Variants in DYNC1H1 observed in about 807,000 individuals in gnomAD.
DYNC1H1 encodes dynein cytoplasmic 1 heavy chain 1.
Under a neutral mutation model 527.1 loss-of-function variants are expected in DYNC1H1, and 51 were observed. The ratio of observed to expected loss-of-function variants is 0.10; its 90% CI spans 0.08 to 0.12. DYNC1H1 has a LOEUF of 0.12. DYNC1H1 is among the 10% of genes least tolerant of loss of function. DYNC1H1 has a pLI of 1.00. For synonymous variants in DYNC1H1, 2,189 were observed against 2,278.8 expected (o/e 0.96, Z 1.12); for missense variants, 2,771 against 5,971.8 (o/e 0.46, Z 17.66).
chr14:101,972,934 T>C (rs1358055969), intron 1 of DYNC1H1, among the ~76,000 whole-genome samples: 1 of 152,210 alleles, frequency 6.6e-6, no homozygotes, highest in Non-Finnish European at 1.5e-5. Context: ...GAGATAGTTC[T>C]TTATTCTCTA....
At chr14:101,988,543 GGAGAAAGT>G (rs1201067417) in intron 9 of DYNC1H1, among the ~76,000 whole-genome samples, 152 bp from the exon 10 acceptor site, 2 of 152,172 alleles carry the variant, frequency 1.3e-5, no homozygotes, top group African/African-American at 2.4e-5. Context: ...TCTGTGGCTG[GGAGAAAGT>G]GAGAAAGTGA....
intron 11 of DYNC1H1, among the ~76,000 whole-genome samples, chr14:101,992,491 C>T (rs909454752): frequency 6.6e-6 from 1 of 152,190 alleles, no homozygotes. Flanking sequence ...TTTCTATTTG[C>T]ATTGTTCTCT....
At chr14:101,973,790 C>G (rs1052304875) in intron 1 of DYNC1H1, among the ~76,000 whole-genome samples, 7 of 152,092 alleles carry the variant, frequency 4.6e-5, no homozygotes, top group African/African-American at 1.4e-4. Flanking sequence ...GGCGGCAGAG[C>G]AAGACATTGT....
intron 57 of DYNC1H1, chr14:102,037,230 C>A: frequency 6.3e-6 from 1 of 157,608 alleles, no homozygotes; most frequent in Non-Finnish European, 1.4e-5. Context: ...TCAAGACCAC[C>A]CTGGCCAACA....
intron 16 of DYNC1H1, among the ~76,000 whole-genome samples, chr14:101,998,653 C>G (rs2048092653): frequency 6.6e-6 from 1 of 152,094 alleles, no homozygotes; most frequent in African/African-American, 2.4e-5. Context: ...CCCATCCTGC[C>G]TGTAACCGTT....
At position 102,051,255 on chromosome 14, in the gene DYNC1H1, C is replaced by CAA. The variant is rs76566190; in HGVS notation, c.*704_*705dup. 5.6e-5 allele frequency: 8 copies of CAA among 142,164 alleles called. 1 individual carries two copies. The highest frequency in any genetic ancestry group is 4.1e-4 in the East Asian group (2 of 4,924). 8.8% of individuals were successfully genotyped at this position (142,164 alleles called of 1,614,324 possible). A position where few individuals can be genotyped will look rare whatever the true frequency, so the allele number is the denominator to read the frequency against. On this transcript the variant is annotated 3_prime_UTR_variant, in exon 78 of 78. Transcript: ENST00000360184. ...TGGGTGACAGAGCAAGACCCTGTCT[C>CAA]AAAAAAAAAAAAAGCTGGGCGTGGT...
At chr14:102,050,046 C>T (rs773283462) in intron 76 of DYNC1H1, 25 bp from the exon 77 acceptor site, 3 of 1,527,890 alleles carry the variant, frequency 2.0e-6, no homozygotes, top group Non-Finnish European at 2.6e-6. Flanking sequence ...TCACCTCAGC[C>T]TGGGTTTTGG....
chr14:101,972,029 T>C lies in DYNC1H1; in HGVS notation c.257-3683T>C, dbSNP rs193123034. On this transcript the variant is annotated intron_variant, in intron 1 of 77. Transcript: ENST00000360184. ...GTATTGGTCTGTTACATTTTAACAGTAACTTTGTATTAACTAGTAACTTTG... is the reference window on the plus strand; with the variant it reads ...GTATTGGTCTGTTACATTTTAACAGCAACTTTGTATTAACTAGTAACTTTG... Among the ~76,000 whole-genome samples, 4 of 152,310 alleles carry C rather than the reference T, an allele frequency of 2.6e-5. No individual in the cohort carries two copies. In the East Asian group the frequency reaches 7.7e-4, roughly 29 times the overall value.
chr14:102,048,617 AAAG>A lies in DYNC1H1; in HGVS notation c.13327_13329del (p.Lys4443del), dbSNP rs772787535. The A allele has an allele frequency of 6.8e-6, 11 of 1,614,106 alleles. No homozygotes were observed. The highest frequency in any genetic ancestry group is 8.5e-6 in the Non-Finnish European group (10 of 1,180,044). ...CAGATGTCGTCCAGGTGTGCGAAGG[AAAG>A]AAGAAGCAGACCAACTACTTGCGCA... On this transcript the variant is annotated inframe_deletion, in exon 74 of 78. Transcript: ENST00000360184.
rs57229386 is a variant in DYNC1H1 at position 102,013,248 on chromosome 14, CAAAAA to C, written c.7014+798_7014+802del. Among the ~76,000 whole-genome samples the C allele has an allele frequency of 1.2e-4, 5 of 41,314 alleles. No homozygotes were observed. The South Asian group carries it at 3.2e-3, about 27-fold the overall frequency. 27.1% of individuals were successfully genotyped at this position (41,314 alleles called of 152,430 possible). A position where few individuals can be genotyped will look rare whatever the true frequency, so the allele number is the denominator to read the frequency against. On this transcript the variant is annotated intron_variant, in intron 34 of 77. Coordinates refer to ENST00000360184, the MANE Select transcript of DYNC1H1 (RefSeq NM_001376.5). Reference sequence around the variant, plus strand: ...TGGGCGACAGAGAGAGACTCCGTCTCAAAAAAAAAAAAAAAAAAAAAAAAGGCAGG... The same window carrying C: ...TGGGCGACAGAGAGAGACTCCGTCTCAAAAAAAAAAAAAAAAAAAGGCAGG...
intron 43 of DYNC1H1, among the ~76,000 whole-genome samples, chr14:102,026,037 C>A (rs2048446147): frequency 6.6e-6 from 1 of 151,700 alleles, no homozygotes; most frequent in African/African-American, 2.4e-5. Context: ...ATTGCTTGAA[C>A]CCAGGAGGCG....
intron 2 of DYNC1H1, 125 bp downstream of exon 2, chr14:101,975,924 T>C: frequency 1.3e-6 from 1 of 754,040 alleles, no homozygotes; most frequent in South Asian, 1.8e-5. Flanking sequence ...TTTTTTTTTT[T>C]GAGACGGAGT....
chr14:101,982,683 A>G (rs947509144), intron 5 of DYNC1H1, among the ~76,000 whole-genome samples: 2 of 60,992 alleles, frequency 3.3e-5, no homozygotes, highest in Non-Finnish European at 5.9e-5. Flanking sequence ...CCCCCCAACC[A>G]TCTGTGGAAA....
intron 23 of DYNC1H1, among the ~76,000 whole-genome samples, chr14:102,004,065 C>A (rs1312146824): frequency 6.6e-6 from 1 of 151,562 alleles, no homozygotes; most frequent in Non-Finnish European, 1.5e-5. Context: ...CATGGTGAAA[C>A]CCCGTCTCTA....
intron 5 of DYNC1H1, among the ~76,000 whole-genome samples, chr14:101,982,072 C>G (rs912712909): frequency 2.0e-5 from 3 of 152,330 alleles, no homozygotes; most frequent in Non-Finnish European, 2.9e-5. Context: ...ACTGCCTGAG[C>G]TCTGCCCCCG....
At chr14:101,971,708 AGAGT>A (rs2047741145) in intron 1 of DYNC1H1, among the ~76,000 whole-genome samples, 1 of 152,220 alleles carries the variant, frequency 6.6e-6, no homozygotes, top group Non-Finnish European at 1.5e-5. Flanking sequence ...CCTGGGTGAC[AGAGT>A]GAGATCCTGT....
Position 101,965,013 on chromosome 14 carries a change from C to T in DYNC1H1, c.256+66C>T. 2 of 1,509,780 alleles carry T rather than the reference C, an allele frequency of 1.3e-6. No homozygotes were observed. The highest frequency in any genetic ancestry group is 1.2e-5 in the South Asian group (1 of 82,436). The allele number at this position is 1,509,780 out of a possible 1,614,324, so 93.5% of individuals were successfully genotyped here. ...CGCGGAATGCAGGGCCTGCCAGGTC[C>T]TCCGGGGTCGCAGATGTCCCCGGGA... On this transcript the variant is annotated intron_variant, in intron 1 of 77. Coordinates refer to ENST00000360184, the MANE Select transcript of DYNC1H1 (RefSeq NM_001376.5). The surrounding 1 kb of genome is among the most constrained non-coding windows in gnomAD (Gnocchi z 4.1).
At chr14:101,996,638 T>C (rs529002330) in intron 15 of DYNC1H1, among the ~76,000 whole-genome samples, 1 of 152,060 alleles carries the variant, frequency 6.6e-6, no homozygotes, top group South Asian at 2.1e-4. Context: ...TTTTGTTTTG[T>C]TTGAGGCAGC....
Position 102,027,601 on chromosome 14 carries a change from C to A in DYNC1H1, c.9049-18C>A. On this transcript the variant is annotated intron_variant, in intron 46 of 77. Coordinates refer to ENST00000360184, the MANE Select transcript of DYNC1H1 (RefSeq NM_001376.5). This position sits in a 1 kb window ranked among gnomAD's most constrained non-coding sequence, Gnocchi z 7.7. ...TGTTACCGGGGGACCAGTAAGTCAG[C>A]ACTGTGCTGTTTCCCAGGTGCCTGG... 6.2e-7 allele frequency: 1 copy of A among 1,614,186 alleles called. No homozygotes were observed. The highest frequency in any genetic ancestry group is 8.5e-7 in the Non-Finnish European group (1 of 1,180,042).
Sources: allele counts gnomAD v4.1 joint callset (sites outside exome capture counted in the v4.1 genomes callset), GRCh38; gene constraint gnomAD v4.1.1; non-coding constraint Gnocchi (gnomAD v3.1); transcripts MANE v1.5; gene names NCBI Gene and HGNC (gene_info 2026-07-23, HGNC 2026-07-21).